Variants in HEG1 observed in about 807,000 individuals in gnomAD.
HEG1 encodes the protein protein HEG homolog 1.
In HEG1, 56 loss-of-function variants were observed where a neutral mutation model predicts 125.6. That is an observed-to-expected ratio of 0.45 (90% CI 0.36 to 0.56). The LOEUF is 0.56. Ranked by LOEUF, HEG1 falls within the 20% of genes least tolerant of loss-of-function variation. The pLI is 0.00. For synonymous variants in HEG1, 644 were observed against 668.5 expected (o/e 0.96, Z 0.57); for missense variants, 1,523 against 1,670.0 (o/e 0.91, Z 1.53).
intron 5 of HEG1, chr3:125,014,929 G>C: frequency 7.8e-7 from 1 of 1,289,664 alleles, no homozygotes; most frequent in South Asian, 1.2e-5. Flanking sequence ...TGGGTGCCGA[G>C]AGAGGGCACC....
intron 8 of HEG1, among the ~76,000 whole-genome samples, chr3:125,007,198 C>CAAAAAAAAA: frequency 1.8e-5 from 1 of 54,708 alleles, no homozygotes; most frequent in East Asian, 5.7e-4. Flanking sequence ...GACTCCGTCT[C>CAAAAAAAAA]AAAAAAAAAA....
intron 14 of HEG1, among the ~76,000 whole-genome samples, chr3:124,985,911 G>A (rs1049424054): frequency 1.2e-4 from 18 of 152,236 alleles, no homozygotes; most frequent in South Asian, 2.1e-4. Flanking sequence ...CCGCGTAGCT[G>A]GGATTACAGG....
In HEG1 at chr3:124,970,743, C is replaced by G; in HGVS notation, c.4055G>C (p.Gly1352Ala). ...GCAAGAATGCCGTGATCCTGGCAGT[C>G]CAGTGTAGGCCGGGTAGAGTCCGTT... ...ERNGLYPAYT[G>A]LPGSRHSCIF... Residue 1352 changes from glycine (G) to alanine (A), a missense_variant, in exon 17 of 17, where the codon GGA becomes GCA. Coordinates refer to ENST00000311127, the MANE Select transcript of HEG1 (RefSeq NM_020733.2). 6.2e-7 allele frequency: 1 copy of G among 1,610,486 alleles called. No homozygotes were observed. Among genetic ancestry groups the G allele is most frequent in the Admixed American group, 1.7e-5 (1 of 59,554 alleles).
At chr3:125,026,177 G>C (rs1209081087) in intron 3 of HEG1, among the ~76,000 whole-genome samples, 1 of 152,176 alleles carries the variant, frequency 6.6e-6, no homozygotes, top group African/African-American at 2.4e-5. Flanking sequence ...GAAGAAAAAA[G>C]ATGGTCAGAG....
At chr3:124,988,034 G>A (rs1936772834) in intron 14 of HEG1, among the ~76,000 whole-genome samples, 1 of 149,038 alleles carries the variant, frequency 6.7e-6, no homozygotes. Context: ...TTAAATTTCT[G>A]TCTGATTATT....
At chr3:125,042,472 A>G (rs1355296366) in intron 1 of HEG1, among the ~76,000 whole-genome samples, 1 of 152,206 alleles carries the variant, frequency 6.6e-6, no homozygotes, top group Non-Finnish European at 1.5e-5. Context: ...ACTGAGCACC[A>G]ACCATAAGCA....
Position 124,993,827 on chromosome 3 carries a change from G to C in HEG1, c.3653-2841C>G, listed in dbSNP as rs182204643. Among the ~76,000 whole-genome samples, 11 of 152,284 alleles carry C rather than the reference G, an allele frequency of 7.2e-5. No individual in the cohort carries two copies. In the East Asian group the frequency reaches 2.1e-3, roughly 29 times the overall value. On this transcript the variant is annotated intron_variant, in intron 12 of 16. Transcript: ENST00000311127. ...CTGTTGTCCTGCCCGCGAGCTGATG[G>C]GTTGGGCTGTTTTCATTTTGTATCA...
intron 1 of HEG1, among the ~76,000 whole-genome samples, chr3:125,050,297 C>T (rs958647741): frequency 7.2e-5 from 11 of 152,134 alleles, no homozygotes; most frequent in African/African-American, 9.7e-5. Flanking sequence ...GCACATGCCA[C>T]CATGCCCAGC....
chr3:125,051,597 C>T (rs1469652787), intron 1 of HEG1, among the ~76,000 whole-genome samples: 2 of 152,188 alleles, frequency 1.3e-5, no homozygotes, highest in South Asian at 4.1e-4. Flanking sequence ...GTGAAGGCGC[C>T]GACCACACAT....
intron 4 of HEG1, 66 bp downstream of exon 4, chr3:125,020,726 G>A: frequency 1.5e-6 from 2 of 1,334,806 alleles, no homozygotes; most frequent in Non-Finnish European, 2.1e-6. Context: ...TCTTGAAGAG[G>A]TCCCCTAAGA....
At chr3:124,988,381 G>A (rs1185206652) in intron 14 of HEG1, among the ~76,000 whole-genome samples, 1 of 152,106 alleles carries the variant, frequency 6.6e-6, no homozygotes, top group Non-Finnish European at 1.5e-5. Context: ...ACCCTGTTCA[G>A]CATTGACACC....
intron 14 of HEG1, among the ~76,000 whole-genome samples, chr3:124,978,950 T>C (rs1936601170): frequency 6.6e-6 from 1 of 150,390 alleles, no homozygotes; most frequent in African/African-American, 2.5e-5. Context: ...AATTCTTTTT[T>C]TTTTTCTTTT....
chr3:124,993,588 C>T (rs1017954871), intron 12 of HEG1, among the ~76,000 whole-genome samples: 6 of 152,150 alleles, frequency 3.9e-5, no homozygotes, highest in South Asian at 2.1e-4. Flanking sequence ...GCTAACGCTG[C>T]GGGGCAGCCA....
At chr3:124,972,939 G>A (rs1431471859) in intron 16 of HEG1, among the ~76,000 whole-genome samples, 2 of 152,096 alleles carry the variant, frequency 1.3e-5, no homozygotes, top group Non-Finnish European at 2.9e-5. Flanking sequence ...TGTTGAGGAC[G>A]ACATTGAATT....
chr3:124,986,695 G>C (rs1206658556), intron 14 of HEG1, among the ~76,000 whole-genome samples: 1 of 152,194 alleles, frequency 6.6e-6, no homozygotes, highest in Non-Finnish European at 1.5e-5. Context: ...AAACCATCCA[G>C]ACAGGCCTCT....
intron 2 of HEG1, 79 bp downstream of exon 2, chr3:125,029,116 G>C (rs752668603): frequency 1.7e-5 from 25 of 1,461,382 alleles, no homozygotes; most frequent in Non-Finnish European, 1.9e-5. Context: ...TCAGAATGGG[G>C]TTGTGGGGAA....
chr3:125,006,774 G>C (rs142235795), intron 8 of HEG1, among the ~76,000 whole-genome samples: 1 of 152,216 alleles, frequency 6.6e-6, no homozygotes, highest in Non-Finnish European at 1.5e-5. Context: ...TTGTGAAGGC[G>C]ATAGTGCTGC....
intron 1 of HEG1, among the ~76,000 whole-genome samples, chr3:125,042,739 C>T (rs763767478): frequency 1.3e-5 from 2 of 152,180 alleles, no homozygotes; most frequent in Non-Finnish European, 2.9e-5. Context: ...CCCTCTTTGC[C>T]TCATACCTTC....
chr3:125,035,125 G>T (rs182498778), intron 1 of HEG1, among the ~76,000 whole-genome samples: 24 of 152,152 alleles, frequency 1.6e-4, no homozygotes, highest in Admixed American at 1.1e-3. Context: ...ATCACACCTG[G>T]TTAATTTTTT....
Sources: allele counts gnomAD v4.1 joint callset (sites outside exome capture counted in the v4.1 genomes callset), GRCh38; gene constraint gnomAD v4.1.1; transcripts MANE v1.5; gene names NCBI Gene and HGNC (gene_info 2026-07-23, HGNC 2026-07-21).